The following DARS2 variants were observed in gnomAD, a reference collection of about 807,000 sequenced individuals.
DARS2 encodes aspartyl-tRNA synthetase 2, mitochondrial, also known as aspartate--tRNA ligase, mitochondrial.
Under a neutral mutation model 83.0 loss-of-function variants are expected in DARS2, and 63 were observed. That is an observed-to-expected ratio of 0.76 (90% CI 0.62 to 0.94). The LOEUF is 0.94. Among genes scored for constraint, DARS2 ranks in the 40% least tolerant of loss-of-function variants. The pLI is 0.00. For missense variants in DARS2, 675 were observed against 774.4 expected (o/e 0.87, Z 1.52); for synonymous variants, 250 against 269.3 (o/e 0.93, Z 0.70).
rs1053824139 is a variant in DARS2, at chr1:173,825,107, T to C, written c.-123T>C. 1.1e-5 allele frequency: 16 copies of C among 1,439,830 alleles called. No homozygotes were observed. Among genetic ancestry groups the C allele is most frequent in the Admixed American group, 1.7e-5 (1 of 58,284 alleles). 89.2% of individuals were successfully genotyped at this position (1,439,830 alleles called of 1,614,324 possible). A position where few individuals can be genotyped will look rare whatever the true frequency, so the allele number is the denominator to read the frequency against. Reference sequence around the variant, plus strand: ...AATGTTGTGCGGAGGAGGCCTTAAATATTCGAGAAGAGAGTGGGAACTCCT... The same window carrying C: ...AATGTTGTGCGGAGGAGGCCTTAAACATTCGAGAAGAGAGTGGGAACTCCT... On this transcript the variant is annotated 5_prime_UTR_variant, in exon 1 of 17. Transcript: ENST00000649689.
intron 3 of DARS2, among the ~76,000 whole-genome samples, chr1:173,830,275 G>A (rs1269722841): frequency 1.3e-5 from 2 of 152,150 alleles, no homozygotes; most frequent in East Asian, 3.9e-4. Flanking sequence ...CCAGAGATGA[G>A]TATAGCTAAC....
rs542588491 is a variant in DARS2 at position 173,842,709 on chromosome 1, G to A, written c.1128+1736G>A. On this transcript the variant is annotated intron_variant, in intron 11 of 16. Transcript: ENST00000649689. ...TCCCAGCACTTTGGGAGGCCAAGGC[G>A]GGTGGATTACTTGCGGTCAGGAGTT... is the stretch of plus-strand genomic sequence containing the variant. Among the ~76,000 whole-genome samples, 40 of 151,588 alleles carry A rather than the reference G, an allele frequency of 2.6e-4. No individual in the cohort carries two copies. In the East Asian group the frequency reaches 6.3e-3, roughly 24 times the overall value.
intron 7 of DARS2, among the ~76,000 whole-genome samples, chr1:173,835,580 T>C (rs1652974145): frequency 6.6e-6 from 1 of 151,632 alleles, no homozygotes; most frequent in African/African-American, 2.4e-5. Context: ...GAAAAAAAAT[T>C]ATTTTAAAGA....
intron 5 of DARS2, among the ~76,000 whole-genome samples, chr1:173,832,178 G>C (rs1256956260): frequency 6.6e-6 from 1 of 152,086 alleles, no homozygotes; most frequent in African/African-American, 2.4e-5. Context: ...TTTTTAAACT[G>C]ATCTATTAAC....
chr1:173,840,389 C>A (rs1653160650), intron 10 of DARS2, among the ~76,000 whole-genome samples: 1 of 152,184 alleles, frequency 6.6e-6, no homozygotes, highest in Non-Finnish European at 1.5e-5. Context: ...CAGGCGCATA[C>A]CACCACACCG....
intron 8 of DARS2, among the ~76,000 whole-genome samples, chr1:173,837,828 CA>C (rs1467556716): frequency 6.6e-6 from 1 of 151,774 alleles, no homozygotes; most frequent in Non-Finnish European, 1.5e-5. Flanking sequence ...AGCTGGAGTG[CA>C]ATGGCGCAAT....
intron 9 of DARS2, 110 bp downstream of exon 9, chr1:173,838,369 T>C: frequency 3.8e-6 from 3 of 799,346 alleles, no homozygotes; most frequent in Non-Finnish European, 6.3e-6. Context: ...ATTTTATCCA[T>C]CAGATATTTA....
In DARS2 at chr1:173,853,739, C is replaced by T. The variant is rs996109958; in HGVS notation, c.1564-56C>T. 8.4e-6 allele frequency: 13 copies of T among 1,546,570 alleles called. No homozygotes were observed. In the Admixed American group the frequency reaches 1.3e-4, roughly 16 times the overall value. On this transcript the variant is annotated intron_variant, in intron 14 of 16. Transcript: ENST00000649689. ...TTAAAAATCTACAGGGTCTTCAACC[C>T]GTAGAACAGAAAACCAGACATTTTC...
chr1:173,833,862 C>T (rs1050776079), intron 6 of DARS2, among the ~76,000 whole-genome samples: 15 of 151,816 alleles, frequency 9.9e-5, no homozygotes, highest in Non-Finnish European at 1.8e-4. Flanking sequence ...TAGGCTTAAC[C>T]GATCCTCCCA....
intron 7 of DARS2, among the ~76,000 whole-genome samples, chr1:173,836,134 C>T (rs979876569): frequency 2.0e-5 from 3 of 152,008 alleles, no homozygotes; most frequent in Admixed American, 6.6e-5. Context: ...GCAGGAGAAC[C>T]GCTTGAATCC....
In DARS2 at chr1:173,857,658, A is replaced by G. The variant is rs1396980902; in HGVS notation, c.1891A>G (p.Ile631Val). The change falls in exon 17 of 17, where the codon ATC becomes GTC. Residue 631 changes from isoleucine (I) to valine (V), a missense_variant. Physicochemically the swap from Ile to Val is conservative, Grantham distance 29. Coordinates refer to ENST00000649689, the MANE Select transcript of DARS2 (RefSeq NM_018122.5). ...TCCTGAGGAACTGAAGCCCTATCAT[A>G]TCCGAGTCTCCAAGCCAACAGACTC... is the stretch of plus-strand genomic sequence containing the variant. The part of the protein sequence containing the change: ...VPPEELKPYH[I>V]RVSKPTDSKA... 1.2e-6 allele frequency: 2 copies of G among 1,614,124 alleles called. No individual in the cohort carries two copies. Among genetic ancestry groups the G allele is most frequent in the East Asian group, 2.2e-5 (1 of 44,872 alleles).
Position 173,834,779 on chromosome 1 carries a change from TTTG to T in DARS2, c.663+263_663+265del, listed in dbSNP as rs1195455671. ...TTTTGGTTTGTTTTGGGTTTTTTTTTTTGTTTTTTTTTTTTTTTTGAGACAGTC... is the reference window on the plus strand; with the variant it reads ...TTTTGGTTTGTTTTGGGTTTTTTTTTTTTTTTTTTTTTTTTTGAGACAGTC... On this transcript the variant is annotated intron_variant, in intron 7 of 16. Transcript: ENST00000649689. Among the ~76,000 whole-genome samples the T allele has an allele frequency of 3.7e-4, 37 of 101,158 alleles. 2 individuals carry two copies. Among genetic ancestry groups the T allele is most frequent in the African/African-American group, 9.9e-4 (21 of 21,178 alleles). 66.4% of individuals were successfully genotyped at this position (101,158 alleles called of 152,430 possible).
chr1:173,851,908 A>T, intron 13 of DARS2: 15 of 985,348 alleles, frequency 1.5e-5, no homozygotes, highest in Non-Finnish European at 1.7e-5. Flanking sequence ...TAGTAAAATG[A>T]AGAAAGCTAT....
chr1:173,853,542 A>G lies in DARS2; in HGVS notation c.1538A>G (p.His513Arg), dbSNP rs1221250157. The change falls in exon 14 of 17, where the codon CAT becomes CGT. Residue 513 changes from histidine (H) to arginine (R), a missense_variant. Coordinates refer to ENST00000649689, the MANE Select transcript of DARS2 (RefSeq NM_018122.5). Reference protein sequence around the residue: ...PFTAPHPSDIHLLYTEPKKAR... With the variant: ...PFTAPHPSDIRLLYTEPKKAR... ...ACTGCTCCCCACCCCAGTGACATAC[A>G]TCTCCTGTACACTGAGCCCAAAAAG... 6.2e-7 allele frequency: 1 copy of G among 1,613,992 alleles called. No individual in the cohort carries two copies. The highest frequency in any genetic ancestry group is 1.7e-5 in the Admixed American group (1 of 59,976).
chr1:173,845,823 A>T (rs1653412990), intron 12 of DARS2, among the ~76,000 whole-genome samples: 1 of 152,042 alleles, frequency 6.6e-6, no homozygotes, highest in Non-Finnish European at 1.5e-5. Context: ...GGAGTTTGAG[A>T]CCAATCTGGC....
chr1:173,826,696 GC>G lies in DARS2; in HGVS notation c.138del (p.Phe47LeufsTer16), dbSNP rs1652590302. ...TTTTTTTTTTTTAAAGAATTCAGTA[GC>G]TTTGTTGTCCGGACCAACACATGTG... is the stretch of plus-strand genomic sequence containing the variant. ...SSQRRIPEFSSFVVRTNTCGE... is the reference protein window; with the variant it reads ...SSQRRIPEFSXFVVRTNTCGE... On this transcript the variant is annotated frameshift_variant, in exon 2 of 17. Transcript: ENST00000649689. LOFTEE classifies it high-confidence loss of function. The G allele has an allele frequency of 6.3e-7, 1 of 1,592,276 alleles. No individual in the cohort carries two copies. Among genetic ancestry groups the G allele is most frequent in the Non-Finnish European group, 8.6e-7 (1 of 1,169,542 alleles).
chr1:173,840,398 C>T (rs1195109405), intron 10 of DARS2, among the ~76,000 whole-genome samples: 4 of 152,128 alleles, frequency 2.6e-5, no homozygotes, highest in African/African-American at 7.2e-5. Flanking sequence ...ACCACCACAC[C>T]GGCTAATTTT....
At chr1:173,834,732 G>GTTTTTTTTTTT in intron 7 of DARS2, among the ~76,000 whole-genome samples, 103 of 21,630 alleles carry the variant, frequency 4.8e-3, no homozygotes, top group Non-Finnish European at 6.6e-3. Flanking sequence ...GAGTTTTTTT[G>GTTTTTTTTTTT]TTTTTTTTTT....
At chr1:173,842,284 C>CTTTTTTTTT (rs1178547914) in intron 11 of DARS2, among the ~76,000 whole-genome samples, 1,672 of 64,242 alleles carry the variant, frequency 0.026, 410 homozygotes, top group Non-Finnish European at 0.036. Context: ...TCATTACTTT[C>CTTTTTTTTT]TTTTTTTTTT....
Sources: allele counts gnomAD v4.1 joint callset (sites outside exome capture counted in the v4.1 genomes callset), GRCh38; gene constraint gnomAD v4.1.1; transcripts MANE v1.5; gene names NCBI Gene and HGNC (gene_info 2026-07-23, HGNC 2026-07-21).